ABCC4: variants seen among roughly 807,000 people sequenced by gnomAD.
ABCC4 encodes ATP binding cassette subfamily C member 4 (PEL blood group).
In ABCC4, 102 loss-of-function variants were observed where a neutral mutation model predicts 168.5. The observed-to-expected ratio is 0.61, with a 90% CI of 0.52 to 0.71. ABCC4 has a LOEUF of 0.71. Ranked by LOEUF, ABCC4 falls within the 30% of genes least tolerant of loss-of-function variation. The probability of loss-of-function intolerance (pLI) is 0.00; values close to 1 mark genes in which losing one functional copy is unlikely to be tolerated. For synonymous variants in ABCC4, 617 were observed against 590.7 expected (o/e 1.04, Z -0.65); for missense variants, 1,402 against 1,605.8 (o/e 0.87, Z 2.17).
chr13:95,044,960 C>G (rs2032515687), intron 27 of ABCC4, among the ~76,000 whole-genome samples: 3 of 152,136 alleles, frequency 2.0e-5, no homozygotes, highest in African/African-American at 7.2e-5. Context: ...GACTGCACAA[C>G]TCTATAAATT....
At chr13:95,270,793 C>T (rs1423479598) in intron 1 of ABCC4, among the ~76,000 whole-genome samples, 1 of 152,192 alleles carries the variant, frequency 6.6e-6, no homozygotes, top group South Asian at 2.1e-4. Context: ...TTTCAGATGC[C>T]TCATAGATGG....
chr13:95,111,960 G>A (rs1457238749), intron 20 of ABCC4, among the ~76,000 whole-genome samples: 2 of 152,142 alleles, frequency 1.3e-5, no homozygotes, highest in Admixed American at 1.3e-4. Flanking sequence ...GTTCAGTTCT[G>A]ACCCAATGGT....
At chr13:95,132,187 T>C (rs2139455067) in intron 19 of ABCC4, among the ~76,000 whole-genome samples, 1 of 152,282 alleles carries the variant, frequency 6.6e-6, no homozygotes, top group South Asian at 2.1e-4. Context: ...GCATATAACA[T>C]ACAGACATCC....
chr13:95,080,307 T>C lies in ABCC4; in HGVS notation c.2686+2833A>G, dbSNP rs115045984. Among the ~76,000 whole-genome samples the C allele has an allele frequency of 6.3e-3, 962 of 152,228 alleles. 10 individuals are homozygous for C. Among genetic ancestry groups the C allele is most frequent in the African/African-American group, 0.021 (882 of 41,534 alleles). On this transcript the variant is annotated intron_variant, in intron 21 of 30. Coordinates refer to ENST00000645237, the MANE Select transcript of ABCC4 (RefSeq NM_005845.5). ...GAAATGCAGCCAAATGCCATTCCGGTTTTTATGTACTTCTCTATGACTGAC... is the reference window on the plus strand; with the variant it reads ...GAAATGCAGCCAAATGCCATTCCGGCTTTTATGTACTTCTCTATGACTGAC...
At chr13:95,023,962 T>G (rs1416666096) in intron 30 of ABCC4, among the ~76,000 whole-genome samples, 2 of 152,098 alleles carry the variant, frequency 1.3e-5, no homozygotes, top group Non-Finnish European at 2.9e-5. Flanking sequence ...ATCTCAGCAG[T>G]TTGGGAGGCC....
At chr13:95,055,725 A>G (rs1423639824) in intron 26 of ABCC4, 2 of 152,122 alleles carry the variant, frequency 1.3e-5, no homozygotes, top group Non-Finnish European at 2.9e-5. Flanking sequence ...TCTACTAAAA[A>G]TACAAAAAGT....
At chr13:95,210,329 A>G (rs1193152615) in intron 5 of ABCC4, among the ~76,000 whole-genome samples, 3 of 152,280 alleles carry the variant, frequency 2.0e-5, no homozygotes, top group Non-Finnish European at 4.4e-5. Context: ...TAATAAAAAA[A>G]GAAATTAGCC....
chr13:95,165,145 A>C (rs2037230653), intron 15 of ABCC4, among the ~76,000 whole-genome samples: 1 of 152,208 alleles, frequency 6.6e-6, no homozygotes, highest in Non-Finnish European at 1.5e-5. Flanking sequence ...TCAAGTGTCA[A>C]TACAGAAACT....
chr13:95,063,311 T>C (rs1437442630), intron 25 of ABCC4, among the ~76,000 whole-genome samples: 1 of 152,222 alleles, frequency 6.6e-6, no homozygotes, highest in Admixed American at 6.5e-5. Flanking sequence ...CTGAGTAATC[T>C]GAATTTCTGA....
chr13:95,182,418 C>A (rs2037927630), intron 11 of ABCC4, among the ~76,000 whole-genome samples: 1 of 152,178 alleles, frequency 6.6e-6, no homozygotes, highest in African/African-American at 2.4e-5. Context: ...AATATTAATA[C>A]ATTGCATCTA....
intron 1 of ABCC4, among the ~76,000 whole-genome samples, chr13:95,279,698 T>C (rs1204723418): frequency 6.6e-6 from 1 of 152,174 alleles, no homozygotes; most frequent in East Asian, 1.9e-4. Flanking sequence ...GTGCTTTTTG[T>C]GGATTTTTGT....
intron 19 of ABCC4, chr13:95,148,971 T>C (rs1009108101): frequency 6.6e-6 from 1 of 152,206 alleles, no homozygotes; most frequent in African/African-American, 2.4e-5. Context: ...GGTTAGAACA[T>C]TTGGCATCAA....
chr13:95,301,418 C>T lies in ABCC4; in HGVS notation c.-104G>A, dbSNP rs991658511. On this transcript the variant is annotated 5_prime_UTR_variant, in exon 1 of 31. Transcript: ENST00000645237. ...AGCAGGGATGCTGGGGCTCCGGCCGCCACGCCTGTCCGCTCGGCTGGAGCC... is the reference window on the plus strand; with the variant it reads ...AGCAGGGATGCTGGGGCTCCGGCCGTCACGCCTGTCCGCTCGGCTGGAGCC... The T allele has an allele frequency of 2.1e-4, 208 of 984,910 alleles. No homozygotes were observed. The highest frequency in any genetic ancestry group is 2.7e-4 in the Non-Finnish European group (191 of 705,014). 61.0% of individuals were successfully genotyped at this position (984,910 alleles called of 1,614,324 possible). A position where few individuals can be genotyped will look rare whatever the true frequency, so the allele number is the denominator to read the frequency against.
chr13:95,032,486 A>G (rs1046228367), intron 30 of ABCC4, among the ~76,000 whole-genome samples: 1 of 152,242 alleles, frequency 6.6e-6, no homozygotes, highest in Non-Finnish European at 1.5e-5. Context: ...AGGCATTTAT[A>G]GAATCGTTTT....
At chr13:95,175,644 G>A (rs920990398) in intron 13 of ABCC4, among the ~76,000 whole-genome samples, 1 of 152,176 alleles carries the variant, frequency 6.6e-6, no homozygotes, top group Non-Finnish European at 1.5e-5. Flanking sequence ...ACACTAAAAT[G>A]AGGCCATGAG....
chr13:95,139,854 G>A (rs1034417668), intron 19 of ABCC4, among the ~76,000 whole-genome samples: 1 of 152,196 alleles, frequency 6.6e-6, no homozygotes, highest in Non-Finnish European at 1.5e-5. Context: ...TGGGTGGTTA[G>A]TCAAACCTGT....
intron 1 of ABCC4, among the ~76,000 whole-genome samples, chr13:95,272,999 G>T (rs2040883314): frequency 6.6e-6 from 1 of 152,104 alleles, no homozygotes. Flanking sequence ...GGACCCCAAT[G>T]ACTTTATATG....
intron 25 of ABCC4, among the ~76,000 whole-genome samples, chr13:95,069,926 G>C (rs1678392): frequency 0.031 from 4,670 of 152,160 alleles, 234 homozygotes; most frequent in African/African-American, 0.11. Flanking sequence ...TTATGAACAC[G>C]GGTGGGCCAC....
chr13:95,052,987 A>G (rs576814293), intron 27 of ABCC4, 108 bp downstream of exon 27: 4 of 929,700 alleles, frequency 4.3e-6, no homozygotes, highest in Admixed American at 3.8e-5. Context: ...GGTGGTGAAC[A>G]AAGTTAGTTA....
Sources: allele counts gnomAD v4.1 joint callset (sites outside exome capture counted in the v4.1 genomes callset), GRCh38; gene constraint gnomAD v4.1.1; transcripts MANE v1.5; gene names NCBI Gene and HGNC (gene_info 2026-07-23, HGNC 2026-07-21).